Variants in TRAPPC9 observed in about 807,000 individuals in gnomAD.
TRAPPC9 encodes the protein IKK2 binding protein.
Under a neutral mutation model 124.0 loss-of-function variants are expected in TRAPPC9, and 83 were observed. The observed-to-expected ratio is 0.67, with a 90% CI of 0.56 to 0.80. TRAPPC9 has a LOEUF of 0.80. Among genes scored for constraint, TRAPPC9 ranks in the 30% least tolerant of loss-of-function variants. TRAPPC9 has a pLI of 0.00. For synonymous variants in TRAPPC9, 638 were observed against 617.5 expected (o/e 1.03, Z -0.49); for missense variants, 1,302 against 1,508.3 (o/e 0.86, Z 2.27).
intron 17 of TRAPPC9, among the ~76,000 whole-genome samples, chr8:140,061,390 C>G (rs1842602846): frequency 6.6e-6 from 1 of 152,132 alleles, no homozygotes; most frequent in Non-Finnish European, 1.5e-5. Context: ...CTAATATGTG[C>G]CAGATGCTGT....
intron 19 of TRAPPC9, among the ~76,000 whole-genome samples, chr8:139,988,127 G>A (rs977559412): frequency 3.1e-4 from 13 of 41,992 alleles, no homozygotes; most frequent in African/African-American, 1.1e-3. Flanking sequence ...TTTTTTTTTT[G>A]AGGCGGAGTC....
chr8:139,784,641 A>ATATATATATG (rs1822093289), intron 21 of TRAPPC9, among the ~76,000 whole-genome samples: 1 of 141,102 alleles, frequency 7.1e-6, no homozygotes, highest in Admixed American at 7.2e-5. Flanking sequence ...ATATATATAT[A>ATATATATATG]TATAAATCAA....
intron 19 of TRAPPC9, among the ~76,000 whole-genome samples, chr8:139,918,520 GC>G (rs1391138594): frequency 1.3e-5 from 2 of 152,200 alleles, no homozygotes; most frequent in African/African-American, 4.8e-5. Context: ...GAGCAAACCG[GC>G]CAGAGCGAGG....
intron 17 of TRAPPC9, among the ~76,000 whole-genome samples, chr8:140,208,211 A>T (rs1587926693): frequency 6.6e-6 from 1 of 152,040 alleles, no homozygotes; most frequent in Admixed American, 6.6e-5. Context: ...GAATTCAGGT[A>T]TTATCAGTTA....
chr8:139,934,692 C>G (rs980995533), intron 19 of TRAPPC9, among the ~76,000 whole-genome samples: 1 of 152,212 alleles, frequency 6.6e-6, no homozygotes, highest in South Asian at 2.1e-4. Flanking sequence ...AGGCCCCATC[C>G]CTGCAGACTG....
chr8:139,985,217 A>C (rs920589192), intron 19 of TRAPPC9, among the ~76,000 whole-genome samples: 1 of 152,266 alleles, frequency 6.6e-6, no homozygotes, highest in Non-Finnish European at 1.5e-5. Context: ...TGTTAATGTC[A>C]TCAGCCTCAC....
In TRAPPC9 at chr8:139,729,867, G is replaced by A. The variant is rs2129906494; in HGVS notation, c.*1194C>T. 6.6e-6 allele frequency among the ~76,000 whole-genome samples: 1 copy of A among 152,288 alleles called. No individual in the cohort carries two copies. ...CCCAATACTCCATGGGAGTTTCAGT[G>A]CCCAACGGGCACCTGACGAGCCTGG... On this transcript the variant is annotated 3_prime_UTR_variant, in exon 23 of 23. Transcript: ENST00000438773.
Position 140,129,482 on chromosome 8 carries a change from G to A in TRAPPC9, c.2556+91977C>T, listed in dbSNP as rs371938508. 2.1e-4 allele frequency among the ~76,000 whole-genome samples: 32 copies of A among 152,280 alleles called. 1 individual carries two copies. The East Asian group carries it at 5.8e-3, about 28-fold the overall frequency. On this transcript the variant is annotated intron_variant, in intron 17 of 22. Transcript: ENST00000438773. ...GAGGGGCAAGCTGGCCCAGGGCATC[G>A]GAGCCAAGGAGGGGTCTAAAGGGTG...
At chr8:140,437,233 T>G (rs964644847) in intron 3 of TRAPPC9, among the ~76,000 whole-genome samples, 1 of 152,156 alleles carries the variant, frequency 6.6e-6, no homozygotes, top group African/African-American at 2.4e-5. Flanking sequence ...TAATTTTGTT[T>G]TGTAGAAGTG....
chr8:140,044,959 TTGG>T, intron 17 of TRAPPC9, among the ~76,000 whole-genome samples: 1 of 152,226 alleles, frequency 6.6e-6, no homozygotes, highest in African/African-American at 2.4e-5. Context: ...TAAACTAGGA[TTGG>T]TGAAGAGTCA....
At chr8:140,454,681 G>C (rs1031589217) in intron 1 of TRAPPC9, among the ~76,000 whole-genome samples, 1 of 144,790 alleles carries the variant, frequency 6.9e-6, no homozygotes, top group Non-Finnish European at 1.5e-5. Context: ...CCTCACACCT[G>C]TGATCTCAAC....
intron 17 of TRAPPC9, among the ~76,000 whole-genome samples, chr8:140,189,782 A>T (rs1429472242): frequency 6.6e-6 from 1 of 152,094 alleles, no homozygotes; most frequent in Non-Finnish European, 1.5e-5. Context: ...TTTGCTTCGC[A>T]TTTGCAGCTC....
At chr8:140,010,092 T>A (rs1372581556) in intron 18 of TRAPPC9, among the ~76,000 whole-genome samples, 1 of 152,242 alleles carries the variant, frequency 6.6e-6, no homozygotes, top group Non-Finnish European at 1.5e-5. Context: ...TAAGTCTTAT[T>A]TCATTATTTA....
At chr8:140,317,753 T>C (rs1213848613) in intron 9 of TRAPPC9, among the ~76,000 whole-genome samples, 3 of 152,198 alleles carry the variant, frequency 2.0e-5, no homozygotes, top group Non-Finnish European at 2.9e-5. Flanking sequence ...GTGCCAAATA[T>C]TGTACTATGT....
intron 17 of TRAPPC9, among the ~76,000 whole-genome samples, chr8:140,076,104 G>T (rs1843491545): frequency 6.6e-6 from 1 of 152,186 alleles, no homozygotes; most frequent in African/African-American, 2.4e-5. Context: ...TTACAGGTGG[G>T]GAGATGGAGA....
chr8:140,155,720 CA>C, intron 17 of TRAPPC9, among the ~76,000 whole-genome samples: 1 of 152,086 alleles, frequency 6.6e-6, no homozygotes, highest in Admixed American at 6.5e-5. Context: ...CATCAATGTC[CA>C]AAAAAGCAGG....
rs578076116 is a variant in TRAPPC9, at chr8:139,906,659, G to A, written c.2964+3488C>T. Among the ~76,000 whole-genome samples, 48 of 152,280 alleles carry A rather than the reference G, an allele frequency of 3.2e-4. No homozygotes were observed. The East Asian group carries it at 8.5e-3, about 27-fold the overall frequency. The stretch of plus-strand genomic sequence containing the variant: ...CTGAACCCTGCAGGTTCTTGGTGAC[G>A]GGTGGCCGCCTCTGCACTTTCTTCC... On this transcript the variant is annotated intron_variant, in intron 20 of 22. Transcript: ENST00000438773.
At chr8:140,439,826 C>A (rs2070944174) in intron 2 of TRAPPC9, among the ~76,000 whole-genome samples, 1 of 151,878 alleles carries the variant, frequency 6.6e-6, no homozygotes, top group African/African-American at 2.4e-5. Flanking sequence ...TTAAATACAT[C>A]TAACCTTTAA....
At chr8:139,859,117 G>C (rs965922422) in intron 21 of TRAPPC9, among the ~76,000 whole-genome samples, 1 of 151,598 alleles carries the variant, frequency 6.6e-6, no homozygotes, top group African/African-American at 2.4e-5. Flanking sequence ...GTTTCTCCAG[G>C]GTTACTCCTC....
Sources: allele counts gnomAD v4.1 joint callset (sites outside exome capture counted in the v4.1 genomes callset), GRCh38; gene constraint gnomAD v4.1.1; transcripts MANE v1.5; gene names NCBI Gene and HGNC (gene_info 2026-07-23, HGNC 2026-07-21).